Variants in EML4 observed in about 807,000 individuals in gnomAD.
EML4 encodes EMAP like 4, also known as echinoderm microtubule-associated protein-like 4.
Under a neutral mutation model 129.0 loss-of-function variants are expected in EML4, and 72 were observed. That is an observed-to-expected ratio of 0.56 (90% CI 0.46 to 0.68). EML4 has a LOEUF of 0.68. Ranked by LOEUF, EML4 falls within the 30% of genes least tolerant of loss-of-function variation. The pLI, the probability that EML4 is intolerant of heterozygous loss-of-function variation, is 0.00. For synonymous variants in EML4, 532 were observed against 405.0 expected (o/e 1.31, Z -3.77); for missense variants, 1,363 against 1,190.6 (o/e 1.14, Z -2.13).
At chr2:42,236,168 T>C (rs1367363609) in intron 1 of EML4, among the ~76,000 whole-genome samples, 2 of 152,248 alleles carry the variant, frequency 1.3e-5, no homozygotes, top group African/African-American at 4.8e-5. Context: ...TATTTACTTT[T>C]GTATGTTTTT....
At chr2:42,186,936 C>T (rs1671283332) in intron 1 of EML4, among the ~76,000 whole-genome samples, 2 of 152,052 alleles carry the variant, frequency 1.3e-5, no homozygotes, top group Admixed American at 6.6e-5. Flanking sequence ...AAAATTCTCT[C>T]ATGCCTCTTT....
rs1335384482 is a variant in EML4 at position 42,303,371 on chromosome 2, G to C, written c.1824G>C (p.Leu608Phe). The C allele has an allele frequency of 3.7e-6, 6 of 1,614,008 alleles. No individual in the cohort carries two copies. Among genetic ancestry groups the C allele is most frequent in the Non-Finnish European group, 4.2e-6 (5 of 1,180,028 alleles). Residue 608 changes from leucine to phenylalanine, a missense_variant, in exon 16 of 23, where the codon TTG (leucine) becomes TTC (phenylalanine). Physicochemically the swap from Leu to Phe is conservative, Grantham distance 22. Transcript: ENST00000318522. ...CACATCCCTTCAAAGATTTGCTCTT[G>C]ACATGTGCTCAGGACAGGCAGGTGT... ...LATHPFKDLLLTCAQDRQVCL... is the reference protein window; with the variant it reads ...LATHPFKDLLFTCAQDRQVCL...
At chr2:42,216,270 T>G (rs1255668264) in intron 1 of EML4, among the ~76,000 whole-genome samples, 5 of 132,202 alleles carry the variant, frequency 3.8e-5, no homozygotes, top group African/African-American at 1.5e-4. Context: ...TGAGATGGTG[T>G]CTTGCTCTGT....
intron 13 of EML4, among the ~76,000 whole-genome samples, chr2:42,296,488 T>A (rs1339204813): frequency 6.6e-6 from 1 of 151,852 alleles, no homozygotes; most frequent in Non-Finnish European, 1.5e-5. Flanking sequence ...TCTCTCTCTC[T>A]CTCTCTCTCT....
rs189644260 is a variant in EML4, at chr2:42,320,423, A to G, written c.2154+2899A>G. ...CCAATTTTTTGTTAAGTAACTTCAG[A>G]AAAGTTACTTAACCTATCTATGCAT... On this transcript the variant is annotated intron_variant, in intron 19 of 22. Coordinates refer to ENST00000318522, the MANE Select transcript of EML4 (RefSeq NM_019063.5). Among the ~76,000 whole-genome samples the G allele has an allele frequency of 1.2e-3, 180 of 152,272 alleles. 2 individuals carry two copies. The highest frequency in any genetic ancestry group is 4.1e-3 in the African/African-American group (170 of 41,550).
At chr2:42,183,116 C>A (rs772833073) in intron 1 of EML4, among the ~76,000 whole-genome samples, 8 of 152,156 alleles carry the variant, frequency 5.3e-5, no homozygotes, top group Non-Finnish European at 7.4e-5. Context: ...GATCGCACCA[C>A]TGAGCTCCAA....
chr2:42,171,702 C>T (rs557050039), intron 1 of EML4, among the ~76,000 whole-genome samples: 1 of 152,220 alleles, frequency 6.6e-6, no homozygotes, highest in South Asian at 2.1e-4. Context: ...ATATGCCTAT[C>T]AGAGGAACCT....
intron 13 of EML4, among the ~76,000 whole-genome samples, chr2:42,297,966 T>G (rs1668053943): frequency 6.6e-6 from 1 of 152,350 alleles, no homozygotes; most frequent in South Asian, 2.1e-4. Context: ...ATTAGTGTTT[T>G]CTGTTTCTTA....
chr2:42,207,783 A>C (rs561293475), intron 1 of EML4: 1 of 152,208 alleles, frequency 6.6e-6, no homozygotes, highest in South Asian at 2.1e-4. Context: ...ATAATATAAA[A>C]TGCAAATTTA....
chr2:42,220,221 C>T (rs557412772), intron 1 of EML4, among the ~76,000 whole-genome samples: 1 of 142,608 alleles, frequency 7.0e-6, no homozygotes, highest in African/African-American at 2.6e-5. Context: ...TACTCTTGCA[C>T]TTTGCAGATA....
chr2:42,203,265 T>C (rs1404978537), intron 1 of EML4, among the ~76,000 whole-genome samples: 2 of 152,220 alleles, frequency 1.3e-5, no homozygotes, highest in African/African-American at 4.8e-5. Flanking sequence ...TCCATGAGTA[T>C]ATGAAGGTAA....
chr2:42,180,919 G>A (rs1216164629), intron 1 of EML4, among the ~76,000 whole-genome samples: 1 of 152,178 alleles, frequency 6.6e-6, no homozygotes, highest in African/African-American at 2.4e-5. Context: ...ACTTTGGAAA[G>A]TTGCCCTCCA....
chr2:42,243,654 C>T (rs6713242), intron 1 of EML4, among the ~76,000 whole-genome samples: 16,440 of 152,064 alleles, frequency 0.11, 923 homozygotes, highest in South Asian at 0.13. Flanking sequence ...TCAATATCTA[C>T]GTCTCAAAGA....
chr2:42,234,538 A>G (rs1674539621), intron 1 of EML4, among the ~76,000 whole-genome samples: 1 of 152,218 alleles, frequency 6.6e-6, no homozygotes, highest in African/African-American at 2.4e-5. Context: ...GGACTTGGGA[A>G]TGAATCTAGA....
At chr2:42,211,711 T>C (rs1000670758) in intron 1 of EML4, among the ~76,000 whole-genome samples, 2 of 152,188 alleles carry the variant, frequency 1.3e-5, no homozygotes, top group African/African-American at 4.8e-5. Flanking sequence ...TTGTTCCTGT[T>C]ACTGCATCGT....
intron 1 of EML4, among the ~76,000 whole-genome samples, chr2:42,229,932 GA>G (rs1674220452): frequency 6.6e-6 from 1 of 151,652 alleles, no homozygotes. Flanking sequence ...TTCAGAGAAA[GA>G]AAAAAACCAT....
intron 2 of EML4, among the ~76,000 whole-genome samples, chr2:42,247,486 A>T (rs567447425): frequency 6.6e-6 from 1 of 151,930 alleles, no homozygotes; most frequent in Non-Finnish European, 1.5e-5. Context: ...GGCCTCATGT[A>T]CTCTGGGTCT....
intron 16 of EML4, among the ~76,000 whole-genome samples, 199 bp downstream of exon 16, chr2:42,303,645 G>A (rs2103728790): frequency 6.6e-6 from 1 of 152,324 alleles, no homozygotes; most frequent in Non-Finnish European, 1.5e-5. Context: ...AGTAAGTTAG[G>A]CCGGGCAAGG....
chr2:42,309,231 C>A (rs769566615), intron 17 of EML4, among the ~76,000 whole-genome samples: 1 of 150,950 alleles, frequency 6.6e-6, no homozygotes, highest in Non-Finnish European at 1.5e-5. Context: ...TATAGCAAGA[C>A]CTTGCCTCTA....
Sources: allele counts gnomAD v4.1 joint callset (sites outside exome capture counted in the v4.1 genomes callset), GRCh38; gene constraint gnomAD v4.1.1; transcripts MANE v1.5; gene names NCBI Gene and HGNC (gene_info 2026-07-23, HGNC 2026-07-21).